ZNF695: variants seen among roughly 807,000 people sequenced by gnomAD.
ZNF695 encodes zinc finger protein 695.
In ZNF695, 11 loss-of-function variants were observed where a neutral mutation model predicts 11.2. The observed-to-expected ratio is 0.98, with a 90% confidence interval of 0.62 to 1.62. The LOEUF (loss-of-function observed/expected upper bound fraction) is 1.62, where lower values mean the gene tolerates loss of function less well. ZNF695 is among the 40% of genes most tolerant of loss of function. ZNF695 has a pLI of 0.00. For synonymous variants in ZNF695, 190 were observed against 201.4 expected (o/e 0.94, Z 0.48); for missense variants, 559 against 590.5 (o/e 0.95, Z 0.55).
Position 246,986,944 on chromosome 1 carries a change from T to C in ZNF695, c.*23A>G. 1 of 1,539,986 alleles carries C rather than the reference T, an allele frequency of 6.5e-7. No individual in the cohort carries two copies. On this transcript the variant is annotated 3_prime_UTR_variant, in exon 4 of 4. Coordinates refer to ENST00000339986, the MANE Select transcript of ZNF695 (RefSeq NM_020394.5). ...ATAGGTATTAAAGACTATGCCATAT[T>C]GTTTAGAATTGTAGGGTTTTTCTCA...
chr1:246,956,834 A>G (rs1489145599), intron 5 of ZNF695, among the ~76,000 whole-genome samples: 1 of 152,164 alleles, frequency 6.6e-6, no homozygotes, highest in Admixed American at 6.5e-5. Flanking sequence ...GGCATGAGCC[A>G]CTGCGCTGGG....
At chr1:246,999,716 A>T (rs1425590201) in intron 2 of ZNF695, among the ~76,000 whole-genome samples, 196 bp downstream of exon 2, 1 of 152,208 alleles carries the variant, frequency 6.6e-6, no homozygotes, top group Non-Finnish European at 1.5e-5. Context: ...GAATTTCTAG[A>T]ATTACCACCA....
At chr1:246,990,226 C>T (rs1406425697) in intron 3 of ZNF695, among the ~76,000 whole-genome samples, 1 of 151,626 alleles carries the variant, frequency 6.6e-6, no homozygotes, top group African/African-American at 2.4e-5. Context: ...AGACACTTTA[C>T]CTATAAAAAC....
chr1:246,952,639 T>C (rs1667895360), intron 5 of ZNF695, among the ~76,000 whole-genome samples: 1 of 151,578 alleles, frequency 6.6e-6, no homozygotes, highest in African/African-American at 2.4e-5. Flanking sequence ...CTTGAACTCC[T>C]GGGCTCAAGT....
intron 5 of ZNF695, among the ~76,000 whole-genome samples, chr1:246,956,223 C>T (rs1050327090): frequency 6.6e-6 from 1 of 151,008 alleles, no homozygotes; most frequent in African/African-American, 2.4e-5. Flanking sequence ...CTCCTGACCT[C>T]GTGATCGACC....
intron 5 of ZNF695, among the ~76,000 whole-genome samples, chr1:246,954,633 C>T (rs1406919980): frequency 6.6e-6 from 1 of 152,058 alleles, no homozygotes; most frequent in East Asian, 1.9e-4. Context: ...GTGTCTAGAG[C>T]CTTAAGTTTC....
intron 5 of ZNF695, among the ~76,000 whole-genome samples, chr1:246,959,714 C>T (rs934827375): frequency 6.6e-6 from 1 of 151,994 alleles, no homozygotes; most frequent in Admixed American, 6.6e-5. Flanking sequence ...GTGTGAGCCA[C>T]CGTGCCTGGC....
chr1:246,989,660 T>C (rs1668967792), intron 3 of ZNF695, among the ~76,000 whole-genome samples: 1 of 152,180 alleles, frequency 6.6e-6, no homozygotes, highest in African/African-American at 2.4e-5. Context: ...AAATTATCCA[T>C]TCAAAAGAAA....
chr1:246,995,560 T>A (rs902211301), intron 3 of ZNF695, among the ~76,000 whole-genome samples: 9 of 152,130 alleles, frequency 5.9e-5, no homozygotes, highest in South Asian at 2.1e-4. Context: ...CCACGCGCAG[T>A]GGCTCATGCC....
At chr1:247,001,027 T>C (rs1249053544) in intron 1 of ZNF695, among the ~76,000 whole-genome samples, 1 of 152,076 alleles carries the variant, frequency 6.6e-6, no homozygotes, top group East Asian at 1.9e-4. Flanking sequence ...ACCCTGTTTC[T>C]ACCAAAAACA....
intron 1 of ZNF695, among the ~76,000 whole-genome samples, chr1:247,003,481 G>C (rs1669448945): frequency 6.6e-6 from 1 of 152,188 alleles, no homozygotes; most frequent in Non-Finnish European, 1.5e-5. Flanking sequence ...GAAACTACCT[G>C]TTGGATATTA....
At chr1:246,991,199 T>C (rs1669021935) in intron 3 of ZNF695, among the ~76,000 whole-genome samples, 1 of 151,860 alleles carries the variant, frequency 6.6e-6, no homozygotes, top group South Asian at 2.1e-4. Flanking sequence ...GAGAAAAACC[T>C]CTAAGACATT....
chr1:247,000,302 C>T (rs1398468680), intron 1 of ZNF695, among the ~76,000 whole-genome samples: 1 of 152,086 alleles, frequency 6.6e-6, no homozygotes, highest in Non-Finnish European at 1.5e-5. Flanking sequence ...GTCAGGAGTT[C>T]AAGACCAGCC....
At chr1:246,990,094 GAAGAAGGAATGA>G in intron 3 of ZNF695, among the ~76,000 whole-genome samples, 1 of 149,724 alleles carries the variant, frequency 6.7e-6, no homozygotes, top group African/African-American at 2.5e-5. Context: ...GAAAGAGAGA[GAAGAAGGAATGA>G]ATGAAGGAAG....
At chr1:246,958,687 C>T (rs1259185600) in intron 5 of ZNF695, among the ~76,000 whole-genome samples, 3 of 152,108 alleles carry the variant, frequency 2.0e-5, no homozygotes, top group Non-Finnish European at 4.4e-5. Context: ...GGGTCAGAAA[C>T]CAGCCATCCA....
intron 5 of ZNF695, among the ~76,000 whole-genome samples, chr1:246,957,003 T>C (rs956164774): frequency 1.3e-5 from 2 of 152,198 alleles, no homozygotes; most frequent in African/African-American, 4.8e-5. Context: ...AAGCAAATAT[T>C]GAATTAATAA....
intron 4 of ZNF695, chr1:246,980,144 A>T (rs1668668883): frequency 7.2e-6 from 1 of 137,956 alleles, no homozygotes; most frequent in Non-Finnish European, 1.5e-5. Flanking sequence ...GCGCCACTGC[A>T]CTCCAGCCTG....
At chr1:246,965,464 T>C (rs1400451199) in intron 5 of ZNF695, among the ~76,000 whole-genome samples, 1 of 151,134 alleles carries the variant, frequency 6.6e-6, no homozygotes, top group Non-Finnish European at 1.5e-5. Context: ...TGGCAGGGCA[T>C]GGTGGCTCAC....
At chr1:246,992,025 G>A (rs1050043531) in intron 3 of ZNF695, among the ~76,000 whole-genome samples, 6 of 152,154 alleles carry the variant, frequency 3.9e-5, no homozygotes, top group Non-Finnish European at 7.4e-5. Flanking sequence ...GTAGCCGGGC[G>A]TGGTGGCGGG....
Sources: allele counts gnomAD v4.1 joint callset (sites outside exome capture counted in the v4.1 genomes callset), GRCh38; gene constraint gnomAD v4.1.1; transcripts MANE v1.5; gene names NCBI Gene and HGNC (gene_info 2026-07-23, HGNC 2026-07-21).